AGPAT4: variants seen among roughly 807,000 people sequenced by gnomAD.
AGPAT4 encodes 1-acylglycerol-3-phosphate O-acyltransferase 4.
Under a neutral mutation model 48.0 loss-of-function variants are expected in AGPAT4, and 15 were observed. That is an observed-to-expected ratio of 0.31 (90% CI 0.21 to 0.48). The LOEUF is 0.48. AGPAT4 is among the 20% of genes least tolerant of loss of function. AGPAT4 has a pLI of 0.99. For synonymous variants in AGPAT4, 178 were observed against 198.7 expected (o/e 0.90, Z 0.88); for missense variants, 314 against 482.5 (o/e 0.65, Z 3.27).
chr6:161,205,686 C>G (rs1335420669), intron 2 of AGPAT4, among the ~76,000 whole-genome samples: 1 of 115,494 alleles, frequency 8.7e-6, no homozygotes, highest in East Asian at 2.7e-4. Flanking sequence ...AATATCAAAA[C>G]ACCAAGTTGA....
At position 161,142,517 on chromosome 6, in the gene AGPAT4, A is replaced by G. The variant is rs1001331506; in HGVS notation, c.844-2897T>C. Among the ~76,000 whole-genome samples, 2 of 152,206 alleles carry G rather than the reference A, an allele frequency of 1.3e-5. No individual in the cohort carries two copies. Among genetic ancestry groups the G allele is most frequent in the Non-Finnish European group, 2.9e-5 (2 of 68,032 alleles). ...CAAGCCAAGAGGAGAACGAGATCCT[A>G]TTGAGAGGCGGCAGATCCCCGGACG... On this transcript the variant is annotated intron_variant, in intron 7 of 8. Coordinates refer to ENST00000320285, the MANE Select transcript of AGPAT4 (RefSeq NM_020133.3). This position sits in a 1 kb window ranked among gnomAD's most constrained non-coding sequence, Gnocchi z 6.4.
intron 2 of AGPAT4, among the ~76,000 whole-genome samples, chr6:161,213,666 G>C (rs991522775): frequency 6.6e-6 from 1 of 152,080 alleles, no homozygotes; most frequent in Non-Finnish European, 1.5e-5. Flanking sequence ...TTTCATACCT[G>C]CCTACTGATG....
Position 161,217,807 on chromosome 6 carries a change from C to G in AGPAT4, c.178+14229G>C, listed in dbSNP as rs1399327171. ...CCCCTGACCCCGCCTGCCCAGGCCA[C>G]TGCCCTGGGACAGGACTCACAGGCA... On this transcript the variant is annotated intron_variant, in intron 2 of 8. Coordinates refer to ENST00000320285, the MANE Select transcript of AGPAT4 (RefSeq NM_020133.3). The surrounding 1 kb of genome is among the most constrained non-coding windows in gnomAD (Gnocchi z 4.9). 6.6e-6 allele frequency among the ~76,000 whole-genome samples: 1 copy of G among 152,234 alleles called. No homozygotes were observed. Among genetic ancestry groups the G allele is most frequent in the Non-Finnish European group, 1.5e-5 (1 of 68,044 alleles).
rs942127112 is a variant in AGPAT4, at chr6:161,225,381, A to C, written c.178+6655T>G. ...AAGAACCCCTTCCCCTCTCTTGTCC[A>C]AGTGTGCACTCACCATTGCTCCATC... On this transcript the variant is annotated intron_variant, in intron 2 of 8. Coordinates refer to ENST00000320285, the MANE Select transcript of AGPAT4 (RefSeq NM_020133.3). This position sits in a 1 kb window ranked among gnomAD's most constrained non-coding sequence, Gnocchi z 5.0. Among the ~76,000 whole-genome samples the C allele has an allele frequency of 6.6e-6, 1 of 152,214 alleles. No individual in the cohort carries two copies. The highest frequency in any genetic ancestry group is 2.4e-5 in the African/African-American group (1 of 41,456).
intron 2 of AGPAT4, among the ~76,000 whole-genome samples, chr6:161,179,007 C>T (rs757497869): frequency 9.2e-5 from 14 of 152,162 alleles, no homozygotes; most frequent in African/African-American, 1.4e-4. Context: ...GGGTGCAGAA[C>T]GCAGTAGGTG....
Position 161,171,427 on chromosome 6 carries a change from G to A in AGPAT4, c.179-5010C>T, listed in dbSNP as rs943346750. Reference sequence around the variant, plus strand: ...CCATAGGGGAAGGCAGAAGGCAGAAGGGCAAGCAAGCATGTACTCAAGTGA... The same window carrying A: ...CCATAGGGGAAGGCAGAAGGCAGAAAGGCAAGCAAGCATGTACTCAAGTGA... On this transcript the variant is annotated intron_variant, in intron 2 of 8. Coordinates refer to ENST00000320285, the MANE Select transcript of AGPAT4 (RefSeq NM_020133.3). The surrounding 1 kb of genome is among the most constrained non-coding windows in gnomAD (Gnocchi z 4.4). Among the ~76,000 whole-genome samples, 3 of 152,194 alleles carry A rather than the reference G, an allele frequency of 2.0e-5. No individual in the cohort carries two copies. The highest frequency in any genetic ancestry group is 7.2e-5 in the African/African-American group (3 of 41,452).
rs549067182 is a variant in AGPAT4, at chr6:161,242,929, G to A, written c.-89-10627C>T. On this transcript the variant is annotated intron_variant, in intron 1 of 8. Transcript: ENST00000320285. This position sits in a 1 kb window ranked among gnomAD's most constrained non-coding sequence, Gnocchi z 5.0. ...CTAAGAACACAAAAATTAGCCGGGC[G>A]TGGTGGCACGTGCCTCCCAGCTACT... 1.3e-5 allele frequency among the ~76,000 whole-genome samples: 2 copies of A among 152,150 alleles called. No homozygotes were observed. Among genetic ancestry groups the A allele is most frequent in the African/African-American group, 4.8e-5 (2 of 41,536 alleles).
chr6:161,157,456 G>GT (rs1779795128), intron 3 of AGPAT4, among the ~76,000 whole-genome samples: 1 of 152,146 alleles, frequency 6.6e-6, no homozygotes. Context: ...GGGATTACAG[G>GT]TGCCCATCAC....
intron 2 of AGPAT4, among the ~76,000 whole-genome samples, chr6:161,190,443 T>C (rs886341810): frequency 2.6e-5 from 4 of 152,148 alleles, no homozygotes; most frequent in Non-Finnish European, 5.9e-5. Flanking sequence ...TCCTTTTATA[T>C]TTCTCCCATT....
chr6:161,153,816 C>CAGCCCTGGGGTCACACCT (rs1779671487), intron 4 of AGPAT4, among the ~76,000 whole-genome samples: 1 of 130,526 alleles, frequency 7.7e-6, no homozygotes, highest in African/African-American at 2.9e-5. Context: ...GGGTCACACA[C>CAGCCCTGGGGTCACACCT]AGCCCTGGGG....
chr6:161,215,548 C>CA lies in AGPAT4; in HGVS notation c.178+16487dup, dbSNP rs1294999834. Among the ~76,000 whole-genome samples, 1 of 152,072 alleles carries CA rather than the reference C, an allele frequency of 6.6e-6. No individual in the cohort carries two copies. The highest frequency in any genetic ancestry group is 1.9e-4 in the East Asian group (1 of 5,186). Reference sequence around the variant, plus strand: ...CTGTCTCTCTGGCACACATTACAGGCAAAACCCATATTTTAAATGTATAAC... The same window carrying CA: ...CTGTCTCTCTGGCACACATTACAGGCAAAAACCCATATTTTAAATGTATAAC... On this transcript the variant is annotated intron_variant, in intron 2 of 8. Transcript: ENST00000320285. The surrounding 1 kb of genome is among the most constrained non-coding windows in gnomAD (Gnocchi z 4.5).
rs906879554 is a variant in AGPAT4, at chr6:161,255,726, G to T, written c.-90+18212C>A. Among the ~76,000 whole-genome samples the T allele has an allele frequency of 2.0e-5, 3 of 151,934 alleles. No individual in the cohort carries two copies. Among genetic ancestry groups the T allele is most frequent in the Admixed American group, 2.0e-4 (3 of 15,266 alleles). ...GGTTGTCTAGGGCTGGAGGGGGCAG[G>T]ATGGGGGAGTGACTGCTGATATGTA... On this transcript the variant is annotated intron_variant, in intron 1 of 8. Transcript: ENST00000320285. The surrounding 1 kb of genome is among the most constrained non-coding windows in gnomAD (Gnocchi z 4.7).
At chr6:161,205,640 A>G (rs866474093) in intron 2 of AGPAT4, among the ~76,000 whole-genome samples, 13 of 151,954 alleles carry the variant, frequency 8.6e-5, no homozygotes, top group Admixed American at 2.0e-4. Flanking sequence ...TTTCAGGGGG[A>G]AAAGCAGTAT....
rs1028099514 is a variant in AGPAT4, at chr6:161,171,905, C to T, written c.179-5488G>A. Reference sequence around the variant, plus strand: ...ACAGAGCAAGACTCCATCTCAAAAACAAAAAACAAAAAACAAAAAACCAAA... The same window carrying T: ...ACAGAGCAAGACTCCATCTCAAAAATAAAAAACAAAAAACAAAAAACCAAA... On this transcript the variant is annotated intron_variant, in intron 2 of 8. Transcript: ENST00000320285. The surrounding 1 kb of genome is among the most constrained non-coding windows in gnomAD (Gnocchi z 4.4). Among the ~76,000 whole-genome samples, 1 of 148,188 alleles carries T rather than the reference C, an allele frequency of 6.7e-6. No individual in the cohort carries two copies. The highest frequency in any genetic ancestry group is 1.5e-5 in the Non-Finnish European group (1 of 67,840).
chr6:161,233,093 GACAC>G lies in AGPAT4; in HGVS notation c.-89-795_-89-792del, dbSNP rs1394451992. On this transcript the variant is annotated intron_variant, in intron 1 of 8. Transcript: ENST00000320285. The surrounding 1 kb of genome is among the most constrained non-coding windows in gnomAD (Gnocchi z 5.4). ...CTGGTCACACACACAGAGACACATA[GACAC>G]ACACACAAACACCACACACACACAC... 1.4e-5 allele frequency among the ~76,000 whole-genome samples: 2 copies of G among 147,500 alleles called. No individual in the cohort carries two copies. Among genetic ancestry groups the G allele is most frequent in the African/African-American group, 2.5e-5 (1 of 39,442 alleles).
At position 161,240,036 on chromosome 6, in the gene AGPAT4, A is replaced by G. The variant is rs1293063142; in HGVS notation, c.-89-7734T>C. 1.3e-5 allele frequency among the ~76,000 whole-genome samples: 2 copies of G among 152,192 alleles called. No individual in the cohort carries two copies. Among genetic ancestry groups the G allele is most frequent in the Non-Finnish European group, 2.9e-5 (2 of 68,026 alleles). The stretch of plus-strand genomic sequence containing the variant: ...AAGGAAACAAAAAACTGAATTATGG[A>G]AGACCCACCAAATGGAATAGGTGAA... On this transcript the variant is annotated intron_variant, in intron 1 of 8. Transcript: ENST00000320285. This position sits in a 1 kb window ranked among gnomAD's most constrained non-coding sequence, Gnocchi z 5.5.
intron 2 of AGPAT4, among the ~76,000 whole-genome samples, chr6:161,181,287 C>T (rs1780581863): frequency 6.6e-6 from 1 of 152,130 alleles, no homozygotes; most frequent in Admixed American, 6.5e-5. Flanking sequence ...AGGCGGGCTG[C>T]CTGCTGCTCC....
rs1252072113 is a variant in AGPAT4, at chr6:161,232,571, G to C, written c.-89-269C>G. Among the ~76,000 whole-genome samples the C allele has an allele frequency of 6.6e-6, 1 of 152,152 alleles. No homozygotes were observed. Among genetic ancestry groups the C allele is most frequent in the African/African-American group, 2.4e-5 (1 of 41,428 alleles). ...TGAGGAAACTGAGTCCTGGAAGGTGGAGCCACTCGGCCAGGGTTCACCGCT... is the reference window on the plus strand; with the variant it reads ...TGAGGAAACTGAGTCCTGGAAGGTGCAGCCACTCGGCCAGGGTTCACCGCT... On this transcript the variant is annotated intron_variant, in intron 1 of 8. Transcript: ENST00000320285. The surrounding 1 kb of genome is among the most constrained non-coding windows in gnomAD (Gnocchi z 6.8).
intron 3 of AGPAT4, among the ~76,000 whole-genome samples, chr6:161,157,419 T>G (rs1779794418): frequency 6.6e-6 from 1 of 152,204 alleles, no homozygotes; most frequent in Admixed American, 6.5e-5. Flanking sequence ...TTCAAGTGAT[T>G]CTCCTGTCTC....
Sources: allele counts gnomAD v4.1 joint callset (sites outside exome capture counted in the v4.1 genomes callset), GRCh38; gene constraint gnomAD v4.1.1; non-coding constraint Gnocchi (gnomAD v3.1); transcripts MANE v1.5; gene names NCBI Gene and HGNC (gene_info 2026-07-23, HGNC 2026-07-21).